ZCWPW2: variants seen among roughly 807,000 people sequenced by gnomAD.
ZCWPW2 encodes the protein zinc finger CW-type and PWWP domain containing 2.
ZCWPW2 carries 45 observed loss-of-function variants against 46.6 expected under a neutral mutation model. That is an observed-to-expected ratio of 0.96 (90% CI 0.76 to 1.24). ZCWPW2 has a LOEUF of 1.24. Among genes scored for constraint, ZCWPW2 ranks in the 50% most tolerant of loss-of-function variants. The pLI, the probability that ZCWPW2 is intolerant of heterozygous loss-of-function variation, is 0.00. For synonymous variants in ZCWPW2, 152 were observed against 137.1 expected (o/e 1.11, Z -0.76); for missense variants, 429 against 403.9 (o/e 1.06, Z -0.53).
chr3:28,375,330 G>C (rs1166033081), intron 1 of ZCWPW2, among the ~76,000 whole-genome samples: 1 of 151,880 alleles, frequency 6.6e-6, no homozygotes, highest in Non-Finnish European at 1.5e-5. Flanking sequence ...GGAGAATTGA[G>C]TTCATTTAGT....
intron 2 of ZCWPW2, among the ~76,000 whole-genome samples, chr3:28,395,759 T>C (rs1212857311): frequency 2.6e-5 from 4 of 151,920 alleles, no homozygotes; most frequent in Non-Finnish European, 5.9e-5. Context: ...GAGTGAAAAA[T>C]AGGGAGATGT....
chr3:28,349,154 G>T lies in ZCWPW2; in HGVS notation c.-183G>T. On this transcript the variant is annotated 5_prime_UTR_variant, in exon 1 of 10. Coordinates refer to ENST00000383768, the MANE Select transcript of ZCWPW2 (RefSeq NM_001040432.4). ...CATGTCCCGTGAGCCTCCGCGGCGG[G>T]ACGGGGCGGGGCCGCGGGACGCCAG... The T allele has an allele frequency of 1.0e-6, 1 of 985,668 alleles. No homozygotes were observed. The highest frequency in any genetic ancestry group is 4.7e-5 in the South Asian group (1 of 21,298). The allele number at this position is 985,668 out of a possible 1,614,324, so 61.1% of individuals were successfully genotyped here.
At chr3:28,368,451 G>C (rs931811453) in intron 1 of ZCWPW2, among the ~76,000 whole-genome samples, 12 of 152,144 alleles carry the variant, frequency 7.9e-5, no homozygotes, top group African/African-American at 2.9e-4. Context: ...ATGCTGGGTT[G>C]AAATTTCTTT....
chr3:28,366,836 A>C (rs1293743819), intron 1 of ZCWPW2, among the ~76,000 whole-genome samples: 2 of 152,192 alleles, frequency 1.3e-5, no homozygotes, highest in African/African-American at 2.4e-5. Context: ...TTATTGGTCT[A>C]TTCAGGGATT....
rs553653568 is a variant in ZCWPW2, at chr3:28,436,691, A to AT, written c.492+1424dup. The stretch of plus-strand genomic sequence containing the variant: ...GAGGGAAGGCTGTTTTTGTGAAAAC[A>AT]TTAAGTATGGAATAACACCATATAA... On this transcript the variant is annotated intron_variant, in intron 4 of 9. Transcript: ENST00000383768. Among the ~76,000 whole-genome samples, 386 of 152,314 alleles carry AT rather than the reference A, an allele frequency of 2.5e-3. 1 individual carries two copies. Among genetic ancestry groups the AT allele is most frequent in the African/African-American group, 8.4e-3 (350 of 41,566 alleles).
At chr3:28,432,291 G>C (rs1277416526) in intron 3 of ZCWPW2, among the ~76,000 whole-genome samples, 1 of 152,156 alleles carries the variant, frequency 6.6e-6, no homozygotes, top group African/African-American at 2.4e-5. Flanking sequence ...CTGTGTCTCA[G>C]ATCACTGAAC....
At chr3:28,502,610 T>C (rs1056653569) in intron 6 of ZCWPW2, among the ~76,000 whole-genome samples, 3 of 152,016 alleles carry the variant, frequency 2.0e-5, no homozygotes, top group Non-Finnish European at 4.4e-5. Flanking sequence ...AAAACAATAG[T>C]ATGTTGTAGT....
At chr3:28,357,684 A>G (rs1165104901) in intron 1 of ZCWPW2, among the ~76,000 whole-genome samples, 2 of 151,690 alleles carry the variant, frequency 1.3e-5, no homozygotes, top group African/African-American at 2.4e-5. Flanking sequence ...CTTATACTGA[A>G]TTATACCACT....
Position 28,499,746 on chromosome 3 carries a change from T to G in ZCWPW2, c.657+7573T>G, listed in dbSNP as rs949116958. Among the ~76,000 whole-genome samples the G allele has an allele frequency of 3.3e-5, 5 of 152,102 alleles. 1 individual carries two copies. The highest frequency in any genetic ancestry group is 7.4e-5 in the Non-Finnish European group (5 of 68,008). On this transcript the variant is annotated intron_variant, in intron 6 of 9. Coordinates refer to ENST00000383768, the MANE Select transcript of ZCWPW2 (RefSeq NM_001040432.4). The stretch of plus-strand genomic sequence containing the variant: ...GCCCATGCCTATTTCCTAAATGGTA[T>G]TGCCTGGGTTTTCTTCTGAAAATTG...
At chr3:28,422,405 C>T (rs1696828747) in intron 3 of ZCWPW2, among the ~76,000 whole-genome samples, 1 of 152,108 alleles carries the variant, frequency 6.6e-6, no homozygotes, top group Non-Finnish European at 1.5e-5. Flanking sequence ...CTCTTGGTGA[C>T]CATTTATCTT....
chr3:28,357,558 G>A (rs567975768), intron 1 of ZCWPW2, among the ~76,000 whole-genome samples: 1 of 152,062 alleles, frequency 6.6e-6, no homozygotes, highest in South Asian at 2.1e-4. Context: ...AGAACCAAAG[G>A]TAGACAAAGG....
intron 4 of ZCWPW2, chr3:28,447,756 T>G: frequency 1.5e-6 from 1 of 684,318 alleles, no homozygotes; most frequent in Non-Finnish European, 2.7e-6. Context: ...CATCGTAGGG[T>G]TTCCTACAAT....
At chr3:28,387,634 C>T (rs1695324024) in intron 1 of ZCWPW2, among the ~76,000 whole-genome samples, 1 of 152,090 alleles carries the variant, frequency 6.6e-6, no homozygotes, top group Non-Finnish European at 1.5e-5. Context: ...GTACATCTAT[C>T]TACTCTATCT....
At chr3:28,436,236 C>T (rs1465256477) in intron 4 of ZCWPW2, among the ~76,000 whole-genome samples, 1 of 151,478 alleles carries the variant, frequency 6.6e-6, no homozygotes, top group Non-Finnish European at 1.5e-5. Context: ...TTTTCATCTG[C>T]AAATCATGCT....
chr3:28,353,233 A>G (rs749167400), intron 1 of ZCWPW2, among the ~76,000 whole-genome samples: 1 of 152,144 alleles, frequency 6.6e-6, no homozygotes, highest in Admixed American at 6.5e-5. Flanking sequence ...AATTTGTTAT[A>G]TGTTTAATAC....
At chr3:28,462,577 T>C (rs1439455285) in intron 4 of ZCWPW2, among the ~76,000 whole-genome samples, 1 of 152,238 alleles carries the variant, frequency 6.6e-6, no homozygotes, top group Non-Finnish European at 1.5e-5. Context: ...ACATTCAATT[T>C]GATTTTGCAA....
At chr3:28,434,252 A>G (rs1697392151) in intron 3 of ZCWPW2, among the ~76,000 whole-genome samples, 1 of 152,068 alleles carries the variant, frequency 6.6e-6, no homozygotes, top group Non-Finnish European at 1.5e-5. Flanking sequence ...ACTATTCTCT[A>G]ATTTCCTGTT....
chr3:28,406,215 C>T (rs1163408273), intron 2 of ZCWPW2, among the ~76,000 whole-genome samples: 14 of 152,162 alleles, frequency 9.2e-5, no homozygotes. Flanking sequence ...GGAAACTTCT[C>T]AGCCTACACA....
rs140434490 is a variant in ZCWPW2 at position 28,472,983 on chromosome 3, C to T, written c.493-5831C>T. Reference sequence around the variant, plus strand: ...TGACAAACAGGCATATGAAAAGGTGCTCAACATCATTGATCACCAGAGAGG... The same window carrying T: ...TGACAAACAGGCATATGAAAAGGTGTTCAACATCATTGATCACCAGAGAGG... On this transcript the variant is annotated intron_variant, in intron 4 of 9. Transcript: ENST00000383768. 2.9e-3 allele frequency among the ~76,000 whole-genome samples: 441 copies of T among 152,120 alleles called. 1 individual carries two copies. The highest frequency in any genetic ancestry group is 0.01 in the African/African-American group (418 of 41,486).
Sources: gnomAD v4.1 joint callset for allele counts (sites outside exome capture counted in the v4.1 genomes callset) on GRCh38, gnomAD v4.1.1 for gene constraint, MANE v1.5 for transcripts, NCBI Gene and HGNC (gene_info 2026-07-23, HGNC 2026-07-21) for gene names.